UBOX5: variants seen among roughly 807,000 people sequenced by gnomAD.
UBOX5 encodes U-box domain containing 5.
UBOX5 carries 28 observed loss-of-function variants against 39.0 expected under a neutral mutation model. The observed-to-expected ratio is 0.72, with a 90% CI of 0.53 to 0.98. The LOEUF (loss-of-function observed/expected upper bound fraction) is 0.98, where lower values mean the gene tolerates loss of function less well. Ranked by LOEUF, UBOX5 falls within the 50% of genes least tolerant of loss-of-function variation. The pLI, the probability that UBOX5 is intolerant of heterozygous loss-of-function variation, is 0.00. For synonymous variants in UBOX5, 283 were observed against 275.5 expected, an observed-to-expected ratio of 1.03 and a Z score of -0.27; for missense variants, 585 against 674.4, an observed-to-expected ratio of 0.87 and a Z score of 1.47.
chr20:3,156,515 TTCACAAAAC>T (rs2066687636), intron 1 of UBOX5, among the ~76,000 whole-genome samples: 1 of 152,082 alleles, frequency 6.6e-6, no homozygotes, highest in East Asian at 1.9e-4. Context: ...CTGATATGAT[TTCACAAAAC>T]TCCTTTCCTA....
chr20:3,130,659 C>T (rs1440843868), intron 1 of UBOX5, among the ~76,000 whole-genome samples: 1 of 152,056 alleles, frequency 6.6e-6, no homozygotes, highest in African/African-American at 2.4e-5. Flanking sequence ...TTCTTCTTAA[C>T]CCATTAATTT....
rs60424679 is a variant in UBOX5 at position 3,138,274 on chromosome 20, C to CA, written c.-41-14869dup. 8.1e-3 allele frequency among the ~76,000 whole-genome samples: 859 copies of CA among 105,952 alleles called. 4 individuals carry two copies. The highest frequency in any genetic ancestry group is 0.027 in the Middle Eastern group (5 of 182). 69.5% of individuals were successfully genotyped at this position (105,952 alleles called of 152,430 possible). A position where few individuals can be genotyped will look rare whatever the true frequency, so the allele number is the denominator to read the frequency against. On this transcript the variant is annotated intron_variant, in intron 1 of 4. Transcript: ENST00000217173. ...CCTGGGCGACAGAGGGAGACTGTCTCAAAAAAAAAAAAAAAAGTATTATGA... is the reference window on the plus strand; with the variant it reads ...CCTGGGCGACAGAGGGAGACTGTCTCAAAAAAAAAAAAAAAAAGTATTATGA...
At chr20:3,129,299 C>G (rs2066412565) in intron 1 of UBOX5, among the ~76,000 whole-genome samples, 1 of 152,204 alleles carries the variant, frequency 6.6e-6, no homozygotes, top group Admixed American at 6.5e-5. Context: ...GTGGCTGCTG[C>G]AGATCTTATC....
At chr20:3,127,544 C>T (rs1322438174) in intron 1 of UBOX5, among the ~76,000 whole-genome samples, 1 of 152,152 alleles carries the variant, frequency 6.6e-6, no homozygotes, top group African/African-American at 2.4e-5. Context: ...TTTGTTCAGA[C>T]CTTTACCAAG....
At chr20:3,130,433 A>G (rs571392571) in intron 1 of UBOX5, among the ~76,000 whole-genome samples, 1 of 150,942 alleles carries the variant, frequency 6.6e-6, no homozygotes, top group African/African-American at 2.4e-5. Flanking sequence ...ACAGCCTCAA[A>G]TTCGTGAGCT....
At chr20:3,128,919 C>G (rs2066409833) in intron 1 of UBOX5, among the ~76,000 whole-genome samples, 2 of 152,138 alleles carry the variant, frequency 1.3e-5, no homozygotes, top group South Asian at 4.1e-4. Context: ...TTATTATGCT[C>G]TATGATATAG....
intron 1 of UBOX5, chr20:3,156,681 T>TA (rs2066689815): frequency 6.6e-6 from 1 of 152,254 alleles, no homozygotes; most frequent in Admixed American, 6.5e-5. Context: ...TGAAGAATCT[T>TA]ACCTTTCTCC....
chr20:3,142,938 G>GA (rs1386148958), intron 1 of UBOX5, among the ~76,000 whole-genome samples: 2 of 149,370 alleles, frequency 1.3e-5, no homozygotes, highest in Non-Finnish European at 3.0e-5. Context: ...CAAGAAAAAA[G>GA]AAAAAAAAGG....
intron 4 of UBOX5, among the ~76,000 whole-genome samples, chr20:3,114,388 G>A (rs1253564492): frequency 1.3e-5 from 2 of 152,122 alleles, no homozygotes; most frequent in African/African-American, 2.4e-5. Flanking sequence ...GAGAGAAGGC[G>A]TTTCGCACAG....
chr20:3,158,308 G>T (rs976885764), intron 1 of UBOX5, among the ~76,000 whole-genome samples: 5 of 151,978 alleles, frequency 3.3e-5, no homozygotes, highest in Admixed American at 3.3e-4. Flanking sequence ...TTATTCACAT[G>T]ATGAATGGCA....
At chr20:3,155,068 AAAAAGAAAAG>A (rs1555765478) in intron 1 of UBOX5, among the ~76,000 whole-genome samples, 1 of 132,010 alleles carries the variant, frequency 7.6e-6, no homozygotes, top group Non-Finnish European at 1.6e-5. Context: ...AAAAAAAAAA[AAAAAGAAAAG>A]AAAAGAAAAG....
chr20:3,114,126 C>A (rs570725544), intron 4 of UBOX5, among the ~76,000 whole-genome samples: 1 of 152,202 alleles, frequency 6.6e-6, no homozygotes, highest in South Asian at 2.1e-4. Flanking sequence ...AGGGGCAAGA[C>A]TCCATCTTAA....
At chr20:3,124,466 C>T (rs998937495) in intron 1 of UBOX5, among the ~76,000 whole-genome samples, 1 of 152,204 alleles carries the variant, frequency 6.6e-6, no homozygotes, top group African/African-American at 2.4e-5. Flanking sequence ...GTGATCTCGG[C>T]TCGCTACAAC....
intron 1 of UBOX5, among the ~76,000 whole-genome samples, chr20:3,152,900 T>C (rs2066646157): frequency 6.7e-6 from 1 of 148,234 alleles, no homozygotes; most frequent in Non-Finnish European, 1.5e-5. Context: ...AGCAAGACTG[T>C]CTCAAAAAAA....
At chr20:3,143,462 T>C (rs1049680503) in intron 1 of UBOX5, among the ~76,000 whole-genome samples, 8 of 150,748 alleles carry the variant, frequency 5.3e-5, no homozygotes, top group African/African-American at 7.3e-5. Flanking sequence ...TTAAAAACAA[T>C]TGCATCTACA....
At chr20:3,142,431 T>TCTCTA (rs951341572) in intron 1 of UBOX5, among the ~76,000 whole-genome samples, 2 of 151,568 alleles carry the variant, frequency 1.3e-5, no homozygotes, top group African/African-American at 4.8e-5. Flanking sequence ...CGAAACACTG[T>TCTCTA]CTCTACTAAA....
intron 1 of UBOX5, among the ~76,000 whole-genome samples, chr20:3,159,128 G>T (rs561643989): frequency 6.6e-6 from 1 of 152,166 alleles, no homozygotes; most frequent in Non-Finnish European, 1.5e-5. Flanking sequence ...AAGAGAAAGA[G>T]CAACTATTCT....
At chr20:3,118,204 C>A (rs571232925) in intron 3 of UBOX5, among the ~76,000 whole-genome samples, 1 of 148,898 alleles carries the variant, frequency 6.7e-6, no homozygotes. Context: ...CGGGCACTAT[C>A]GCTCATGCCT....
At chr20:3,134,052 C>T (rs919383382) in intron 1 of UBOX5, among the ~76,000 whole-genome samples, 17 of 151,938 alleles carry the variant, frequency 1.1e-4, no homozygotes, top group Non-Finnish European at 2.1e-4. Context: ...CCACCTTGCC[C>T]GGCTAAGGTA....
Sources: allele counts gnomAD v4.1 joint callset (sites outside exome capture counted in the v4.1 genomes callset), GRCh38; gene constraint gnomAD v4.1.1; transcripts MANE v1.5; gene names NCBI Gene and HGNC (gene_info 2026-07-23, HGNC 2026-07-21).